Variants in NKIRAS1 observed in about 807,000 individuals in gnomAD.
The protein encoded by NKIRAS1 is NFKB inhibitor interacting Ras like 1, also known as NF-kappa-B inhibitor-interacting Ras-like protein 1.
In NKIRAS1, 16 loss-of-function variants were observed where a neutral mutation model predicts 19.8. The observed-to-expected ratio is 0.81, with a 90% CI of 0.55 to 1.23. NKIRAS1 has a LOEUF of 1.23. Among genes scored for constraint, NKIRAS1 ranks in the 50% most tolerant of loss-of-function variants. The pLI is 0.00. For missense variants in NKIRAS1, 184 were observed against 220.0 expected, an observed-to-expected ratio of 0.84 and a Z score of 1.04; for synonymous variants, 88 against 79.0, an observed-to-expected ratio of 1.11 and a Z score of -0.61.
upstream of NKIRAS1, chr3:23,919,899 T>A: frequency 1.0e-6 from 1 of 993,710 alleles, no homozygotes; most frequent in Non-Finnish European, 1.2e-6. Flanking sequence ...GCGTTTTTTT[T>A]AGTTTGGCAG....
At position 23,893,058 on chromosome 3, in the gene NKIRAS1, T is replaced by C. The variant is rs768732426; in HGVS notation, c.*37A>G. 2 of 1,511,210 alleles carry C rather than the reference T, an allele frequency of 1.3e-6. No individual in the cohort carries two copies. The highest frequency in any genetic ancestry group is 1.8e-6 in the Non-Finnish European group (2 of 1,132,128). The allele number at this position is 1,511,210 out of a possible 1,614,324, so 93.6% of individuals were successfully genotyped here. ...CATGTTCACAGACACTTAAAGGCAATCACTATTCAACATACAATTGTGGAA... is the reference window on the plus strand; with the variant it reads ...CATGTTCACAGACACTTAAAGGCAACCACTATTCAACATACAATTGTGGAA... On this transcript the variant is annotated 3_prime_UTR_variant, in exon 5 of 5. Coordinates refer to ENST00000425478, the MANE Select transcript of NKIRAS1 (RefSeq NM_020345.4).
chr3:23,912,043 C>T (rs1369801502), intron 1 of NKIRAS1, among the ~76,000 whole-genome samples: 1 of 151,040 alleles, frequency 6.6e-6, no homozygotes, highest in Non-Finnish European at 1.5e-5. Context: ...CGATTACAGG[C>T]GTGAGCTACT....
At position 23,890,544 on chromosome 3, in the gene NKIRAS1, A is replaced by G. The variant is rs1701381734; in HGVS notation, c.*2551T>C. 6.2e-7 allele frequency: 1 copy of G among 1,613,828 alleles called. No homozygotes were observed. The highest frequency in any genetic ancestry group is 8.5e-7 in the Non-Finnish European group (1 of 1,179,890). On this transcript the variant is annotated 3_prime_UTR_variant, in exon 5 of 5. Transcript: ENST00000425478. ...GGTGGGAAGTATTGCCACTCAGTAT[A>G]TGACCAACAGAGCAGAACATGACAG...
chr3:23,937,234 C>A (rs1055922958), intron 1 of NKIRAS1, among the ~76,000 whole-genome samples: 1 of 151,956 alleles, frequency 6.6e-6, no homozygotes, highest in Admixed American at 6.6e-5. Flanking sequence ...CAAAAATTTG[C>A]CGGGCGTGTG....
intron 1 of NKIRAS1, among the ~76,000 whole-genome samples, chr3:23,937,332 GGAAAAA>G (rs1460217976): frequency 6.6e-6 from 1 of 151,196 alleles, no homozygotes; most frequent in Non-Finnish European, 1.5e-5. Context: ...GACTCTGTCT[GGAAAAA>G]GAAAAAGAAA....
intron 1 of NKIRAS1, chr3:23,923,118 T>C (rs1460957235): frequency 1.3e-5 from 2 of 152,192 alleles, no homozygotes; most frequent in Non-Finnish European, 2.9e-5. Flanking sequence ...TATGTATTTT[T>C]TCCTTTTCTT....
Position 23,901,122 on chromosome 3 carries a change from G to A in NKIRAS1, c.95-73C>T, listed in dbSNP as rs565218827. On this transcript the variant is annotated intron_variant, in intron 3 of 4. Transcript: ENST00000425478. ...CTGCTCCGTATTTTCTTGTCCTTTA[G>A]AAATTGGCTTTCTAGGTTTCTTATT... 15 of 1,503,346 alleles carry A rather than the reference G, an allele frequency of 1.0e-5. No homozygotes were observed. The Admixed American group carries it at 1.3e-4, about 13-fold the overall frequency. 93.1% of individuals were successfully genotyped at this position (1,503,346 alleles called of 1,614,324 possible). A position where few individuals can be genotyped will look rare whatever the true frequency, so the allele number is the denominator to read the frequency against.
chr3:23,912,847 G>A (rs553951057), intron 1 of NKIRAS1, among the ~76,000 whole-genome samples: 5 of 152,018 alleles, frequency 3.3e-5, no homozygotes, highest in East Asian at 1.9e-4. Context: ...CGTCGGGCGC[G>A]GTGGCTCATG....
rs1439030337 is a variant in NKIRAS1, at chr3:23,891,235, G to A, written c.*1860C>T. On this transcript the variant is annotated 3_prime_UTR_variant, in exon 5 of 5. Coordinates refer to ENST00000425478, the MANE Select transcript of NKIRAS1 (RefSeq NM_020345.4). ...AGGCGTGGAATAGGAGTTGCTCAGT[G>A]GATTGGTTCTATGTTGTGGACTACT... 4 of 152,246 alleles carry A rather than the reference G, an allele frequency of 2.6e-5. No homozygotes were observed. The highest frequency in any genetic ancestry group is 1.5e-5 in the Non-Finnish European group (1 of 68,040). The allele number at this position is 152,246 out of a possible 1,614,324, so 9.4% of individuals were successfully genotyped here. A position where few individuals can be genotyped will look rare whatever the true frequency, so the allele number is the denominator to read the frequency against.
chr3:23,896,670 AG>A (rs1309375616), intron 4 of NKIRAS1, among the ~76,000 whole-genome samples: 5 of 151,428 alleles, frequency 3.3e-5, no homozygotes, highest in African/African-American at 1.2e-4. Flanking sequence ...TTAGTTACCA[AG>A]AAAAAAAAAC....
chr3:23,918,949 A>G (rs1704893448), upstream of NKIRAS1: 1 of 551,918 alleles, frequency 1.8e-6, no homozygotes, highest in East Asian at 2.9e-5. Context: ...ATATTAACAT[A>G]TTCCTGCCCT....
At chr3:23,943,889 T>C (rs1022264651) in intron 1 of NKIRAS1, among the ~76,000 whole-genome samples, 37 of 152,238 alleles carry the variant, frequency 2.4e-4, no homozygotes, top group African/African-American at 8.4e-4. Context: ...GTTAAGTCGT[T>C]GAATTTTTTC....
intron 1 of NKIRAS1, among the ~76,000 whole-genome samples, chr3:23,913,707 A>G (rs1161865897): frequency 6.6e-6 from 1 of 152,240 alleles, no homozygotes; most frequent in Non-Finnish European, 1.5e-5. Context: ...AATAATTCCC[A>G]AACACAATAA....
chr3:23,896,760 G>A (rs1354475736), intron 4 of NKIRAS1, among the ~76,000 whole-genome samples: 3 of 151,416 alleles, frequency 2.0e-5, no homozygotes, highest in Non-Finnish European at 4.4e-5. Context: ...GACTGTTTGA[G>A]ACCAGGAGTT....
intron 1 of NKIRAS1, among the ~76,000 whole-genome samples, chr3:23,929,718 A>G (rs1705272786): frequency 6.6e-6 from 1 of 152,194 alleles, no homozygotes; most frequent in Non-Finnish European, 1.5e-5. Flanking sequence ...CTGGGATTAC[A>G]GACATGAGCC....
chr3:23,945,568 G>C, intron 1 of NKIRAS1: 1 of 1,165,894 alleles, frequency 8.6e-7, no homozygotes, highest in South Asian at 4.2e-5. Flanking sequence ...GGCCGCCTCC[G>C]CGAGGGCACC....
At chr3:23,914,478 T>C (rs1438522788) in intron 1 of NKIRAS1, among the ~76,000 whole-genome samples, 1 of 152,266 alleles carries the variant, frequency 6.6e-6, no homozygotes, top group African/African-American at 2.4e-5. Context: ...TAGTGTGGAA[T>C]ACTTTCACTT....
chr3:23,922,649 G>A lies in NKIRAS1; in HGVS notation c.-139-11199C>T, dbSNP rs1705125704. Reference sequence around the variant, plus strand: ...GATCCTCCCGCCTTGGCCTCCCAAAGTGCCGGGATTACAGGTGTCAGCCAC... The same window carrying A: ...GATCCTCCCGCCTTGGCCTCCCAAAATGCCGGGATTACAGGTGTCAGCCAC... On this transcript the variant is annotated intron_variant, in intron 1 of 4. Coordinates refer to the NKIRAS1 transcript ENST00000421515. The surrounding 1 kb of genome is among the most constrained non-coding windows in gnomAD (Gnocchi z 4.2). 1.3e-5 allele frequency: 2 copies of A among 152,166 alleles called. No individual in the cohort carries two copies. Among genetic ancestry groups the A allele is most frequent in the East Asian group, 1.9e-4 (1 of 5,196 alleles). 9.4% of individuals were successfully genotyped at this position (152,166 alleles called of 1,614,324 possible). A position where few individuals can be genotyped will look rare whatever the true frequency, so the allele number is the denominator to read the frequency against.
chr3:23,919,596 G>A, upstream of NKIRAS1: 14 of 1,425,362 alleles, frequency 9.8e-6, no homozygotes, highest in South Asian at 2.2e-4. Flanking sequence ...CTAGTCTGCA[G>A]ATGTTTCTTG....
Sources: gnomAD v4.1 joint callset for allele counts (sites outside exome capture counted in the v4.1 genomes callset) on GRCh38, gnomAD v4.1.1 for gene constraint, Gnocchi (gnomAD v3.1) non-coding constraint, MANE v1.5 for transcripts, NCBI Gene and HGNC (gene_info 2026-07-23, HGNC 2026-07-21) for gene names.